The following KIAA0040 variants were observed in gnomAD, a reference collection of about 807,000 sequenced individuals.
The protein encoded by KIAA0040 is uncharacterized protein KIAA0040.
KIAA0040 carries 10 observed loss-of-function variants against 7.2 expected under a neutral mutation model. The ratio of observed to expected loss-of-function variants is 1.38; its 90% confidence interval spans 0.85 to 2.34. KIAA0040 has a LOEUF of 2.34. KIAA0040 is among the 30% of genes most tolerant of loss of function. KIAA0040 has a pLI of 0.00. For synonymous variants in KIAA0040, 49 were observed against 40.1 expected (o/e 1.22, Z -0.84); for missense variants, 89 against 108.2 (o/e 0.82, Z 0.79).
At chr1:175,169,307 C>G (rs539101922) in intron 2 of KIAA0040, among the ~76,000 whole-genome samples, 1 of 152,156 alleles carries the variant, frequency 6.6e-6, no homozygotes, top group Non-Finnish European at 1.5e-5. Flanking sequence ...AGCAGTGGTT[C>G]GGGAACCAGA....
chr1:175,190,414 A>G (rs1047295430), intron 1 of KIAA0040, among the ~76,000 whole-genome samples: 1 of 152,192 alleles, frequency 6.6e-6, no homozygotes, highest in Non-Finnish European at 1.5e-5. Context: ...CTGTATACCC[A>G]ACTGCTTATC....
chr1:175,162,229 C>T (rs1490078743), intron 3 of KIAA0040, among the ~76,000 whole-genome samples: 1 of 152,110 alleles, frequency 6.6e-6, no homozygotes, highest in Non-Finnish European at 1.5e-5. Flanking sequence ...TTTAAGAGGC[C>T]TGTTGGTGTA....
chr1:175,166,128 C>T (rs539157728), intron 3 of KIAA0040, among the ~76,000 whole-genome samples: 12 of 152,278 alleles, frequency 7.9e-5, no homozygotes, highest in African/African-American at 2.6e-4. Flanking sequence ...TCTTCTGCGA[C>T]TGCTGACTCC....
intron 1 of KIAA0040, among the ~76,000 whole-genome samples, chr1:175,190,275 A>C (rs1161468204): frequency 6.6e-6 from 1 of 152,256 alleles, no homozygotes; most frequent in Non-Finnish European, 1.5e-5. Flanking sequence ...GGAGAAAGTC[A>C]TCTGGAAGTC....
In KIAA0040 at chr1:175,157,081, A is replaced by T. The variant is rs953099426; in HGVS notation, c.*3633T>A. The T allele has an allele frequency of 2.0e-5, 3 of 152,222 alleles. No individual in the cohort carries two copies. Among genetic ancestry groups the T allele is most frequent in the African/African-American group, 7.2e-5 (3 of 41,438 alleles). 9.4% of individuals were successfully genotyped at this position (152,222 alleles called of 1,614,324 possible). A position where few individuals can be genotyped will look rare whatever the true frequency, so the allele number is the denominator to read the frequency against. Reference sequence around the variant, plus strand: ...TATTGAACCATATTGAACAGTGTACACACACTTACACACACACATACACAC... The same window carrying T: ...TATTGAACCATATTGAACAGTGTACTCACACTTACACACACACATACACAC... On this transcript the variant is annotated 3_prime_UTR_variant, in exon 4 of 4. Coordinates refer to ENST00000423313, the MANE Select transcript of KIAA0040 (RefSeq NM_014656.3).
intron 1 of KIAA0040, among the ~76,000 whole-genome samples, chr1:175,178,549 G>T (rs1244992112): frequency 6.6e-6 from 1 of 152,206 alleles, no homozygotes; most frequent in African/African-American, 2.4e-5. Context: ...TTCATGTCAA[G>T]AAGCATTAGT....
At chr1:175,178,934 A>G (rs1358710896) in intron 1 of KIAA0040, among the ~76,000 whole-genome samples, 1 of 141,698 alleles carries the variant, frequency 7.1e-6, no homozygotes, top group African/African-American at 2.6e-5. Context: ...GAGAGAGATC[A>G]ATGCTGGTTA....
At chr1:175,182,422 G>A (rs565671255) in intron 1 of KIAA0040, among the ~76,000 whole-genome samples, 3 of 152,238 alleles carry the variant, frequency 2.0e-5, no homozygotes, top group African/African-American at 7.2e-5. Context: ...CGTTCAAAGG[G>A]ATCCCTCTTT....
chr1:175,184,716 G>T (rs1188968721), intron 1 of KIAA0040, among the ~76,000 whole-genome samples: 1 of 152,168 alleles, frequency 6.6e-6, no homozygotes, highest in African/African-American at 2.4e-5. Context: ...CCTGGGGAGG[G>T]TCAAACATTA....
Position 175,160,548 on chromosome 1 carries a change from TG to T in KIAA0040, c.*165del. On this transcript the variant is annotated 3_prime_UTR_variant, in exon 4 of 4. Transcript: ENST00000423313. Reference sequence around the variant, plus strand: ...ATCCAAGAATTGTCCACGTGGTCCCTGGGACTGCCCTCCACTGGGACACTTA... The same window carrying T: ...ATCCAAGAATTGTCCACGTGGTCCCTGGACTGCCCTCCACTGGGACACTTA... 2 of 674,962 alleles carry T rather than the reference TG, an allele frequency of 3.0e-6. No individual in the cohort carries two copies. Among genetic ancestry groups the T allele is most frequent in the Non-Finnish European group, 4.9e-6 (2 of 408,422 alleles). 41.8% of individuals were successfully genotyped at this position (674,962 alleles called of 1,614,324 possible).
At chr1:175,164,157 G>C (rs1676661871) in intron 3 of KIAA0040, among the ~76,000 whole-genome samples, 1 of 152,126 alleles carries the variant, frequency 6.6e-6, no homozygotes, top group Non-Finnish European at 1.5e-5. Context: ...TTTACAACAG[G>C]AGAATGTTGT....
chr1:175,179,775 G>C (rs530164552), intron 1 of KIAA0040, among the ~76,000 whole-genome samples: 68 of 152,274 alleles, frequency 4.5e-4, no homozygotes, highest in African/African-American at 1.5e-3. Flanking sequence ...GGGATTTCTT[G>C]CCCTATTTCA....
At chr1:175,180,073 C>T (rs1677376194) in intron 1 of KIAA0040, among the ~76,000 whole-genome samples, 1 of 152,208 alleles carries the variant, frequency 6.6e-6, no homozygotes, top group African/African-American at 2.4e-5. Flanking sequence ...CACCCCCATC[C>T]ACTGCTCCCT....
upstream of KIAA0040, chr1:175,192,913 C>A (rs1055576071): frequency 3.1e-4 from 47 of 151,578 alleles, no homozygotes; most frequent in African/African-American, 1.1e-3. Flanking sequence ...TCCTACGGGC[C>A]GACGCCTGGC....
rs550558047 is a variant in KIAA0040, at chr1:175,176,021, T to A, written c.-310+1590A>T. ...CACATGTACCCTAGAACTTAAAGTA[T>A]AATAAAAAATAAAAATAAAAAAATA... On this transcript the variant is annotated intron_variant, in intron 2 of 3. Transcript: ENST00000423313. Among the ~76,000 whole-genome samples, 6 of 152,280 alleles carry A rather than the reference T, an allele frequency of 3.9e-5. No homozygotes were observed. In the South Asian group the frequency reaches 1.0e-3, roughly 26 times the overall value.
intron 2 of KIAA0040, among the ~76,000 whole-genome samples, chr1:175,170,261 T>C (rs1017637913): frequency 1.3e-5 from 2 of 152,184 alleles, no homozygotes. Flanking sequence ...GGGCTTGAGC[T>C]AGGGGCACTT....
In KIAA0040 at chr1:175,160,797, T is replaced by TCTTCTTCATC; in HGVS notation, c.216_217insGATGAAGAAG (p.Lys73AspfsTer8). Reference sequence around the variant, plus strand: ...CAGAGGTCTTCTTCATCCTTCTTCTTCTTCTTCTTCTTCTTCTTCTTGTTC... The same window carrying TCTTCTTCATC: ...CAGAGGTCTTCTTCATCCTTCTTCTTCTTCTTCATCCTTCTTCTTCTTCTTCTTCTTGTTC... On this transcript the variant is annotated frameshift_variant, in exon 4 of 4. Transcript: ENST00000423313. LOFTEE classifies it high-confidence loss of function. 1.3e-6 allele frequency: 1 copy of TCTTCTTCATC among 768,854 alleles called. No individual in the cohort carries two copies. Among genetic ancestry groups the TCTTCTTCATC allele is most frequent in the Non-Finnish European group, 1.9e-6 (1 of 533,940 alleles). 47.6% of individuals were successfully genotyped at this position (768,854 alleles called of 1,614,324 possible).
chr1:175,160,788 CCTT>C lies in KIAA0040; in HGVS notation c.223_225del (p.Lys75del), dbSNP rs150137790. 3.8e-4 allele frequency: 545 copies of C among 1,417,100 alleles called. 1 individual carries two copies. The highest frequency in any genetic ancestry group is 1.9e-3 in the South Asian group (150 of 80,430). The allele number at this position is 1,417,100 out of a possible 1,614,324, so 87.8% of individuals were successfully genotyped here. ...GCAGAGATCCAGAGGTCTTCTTCATCCTTCTTCTTCTTCTTCTTCTTCTTCTTC... is the reference window on the plus strand; with the variant it reads ...GCAGAGATCCAGAGGTCTTCTTCATCCTTCTTCTTCTTCTTCTTCTTCTTC... On this transcript the variant is annotated inframe_deletion, in exon 4 of 4. Coordinates refer to ENST00000423313, the MANE Select transcript of KIAA0040 (RefSeq NM_014656.3).
intron 2 of KIAA0040, among the ~76,000 whole-genome samples, chr1:175,170,547 T>C (rs1462482206): frequency 3.3e-5 from 5 of 152,202 alleles, no homozygotes; most frequent in Non-Finnish European, 7.4e-5. Context: ...CCTAGCTGTT[T>C]ATCACATAAT....
Sources: allele counts gnomAD v4.1 joint callset (sites outside exome capture counted in the v4.1 genomes callset), GRCh38; gene constraint gnomAD v4.1.1; transcripts MANE v1.5; gene names NCBI Gene and HGNC (gene_info 2026-07-23, HGNC 2026-07-21).